The following SMOX variants were observed in gnomAD, a reference collection of about 807,000 sequenced individuals.
SMOX encodes the protein spermine oxidase, also known as flavin containing amine oxidase.
In SMOX, 22 loss-of-function variants were observed where a neutral mutation model predicts 51.0. That is an observed-to-expected ratio of 0.43 (90% CI 0.31 to 0.62). The LOEUF (loss-of-function observed/expected upper bound fraction) is 0.62. Ranked by LOEUF, SMOX falls within the 20% of genes least tolerant of loss-of-function variation. The pLI is 0.10. For missense variants in SMOX, 566 were observed against 777.7 expected (o/e 0.73, Z 3.24); for synonymous variants, 282 against 307.8 (o/e 0.92, Z 0.88).
chr20:4,185,945 CAAAT>C (rs893196853), intron 6 of SMOX, among the ~76,000 whole-genome samples: 4 of 151,248 alleles, frequency 2.6e-5, no homozygotes, highest in Admixed American at 6.6e-5. Flanking sequence ...CACACACACA[CAAAT>C]AAATAAATAA....
intron 1 of SMOX, among the ~76,000 whole-genome samples, chr20:4,160,658 C>T (rs952217876): frequency 6.6e-6 from 1 of 152,200 alleles, no homozygotes; most frequent in African/African-American, 2.4e-5. Flanking sequence ...TGGATATTTT[C>T]CTTTTTTCGT....
In SMOX at chr20:4,175,191, C is replaced by CTT; in HGVS notation, c.136_137insTT (p.Gln46LeufsTer23). ...GGCTGCAGCCAAAGCACTTCTTGAGCAGGGTTTCACGGATGTCACTGTGCT... is the reference window on the plus strand; with the variant it reads ...GGCTGCAGCCAAAGCACTTCTTGAGCTTAGGGTTTCACGGATGTCACTGTGCT... On this transcript the variant is annotated frameshift_variant, in exon 2 of 7. Coordinates refer to ENST00000305958, the MANE Select transcript of SMOX (RefSeq NM_175839.3). LOFTEE classifies it high-confidence loss of function. 6.2e-7 allele frequency: 1 copy of CTT among 1,614,230 alleles called. No homozygotes were observed. Among genetic ancestry groups the CTT allele is most frequent in the Non-Finnish European group, 8.5e-7 (1 of 1,180,038 alleles).
rs763783279 is a variant in SMOX, at chr20:4,182,852, C to T, written c.1369+4C>T. 2.5e-5 allele frequency: 40 copies of T among 1,598,140 alleles called. No homozygotes were observed. The highest frequency in any genetic ancestry group is 8.8e-5 in the South Asian group (8 of 90,804). ...GAGATGCTGCGTCAGTTCACAGGTG[C>T]GCCACGTGCCCCACGACCCGCTTCC... is the stretch of plus-strand genomic sequence containing the variant. On this transcript the variant is annotated splice_donor_region_variant and intron_variant, in intron 5 of 6. Coordinates refer to ENST00000305958, the MANE Select transcript of SMOX (RefSeq NM_175839.3). The surrounding 1 kb of genome is among the most constrained non-coding windows in gnomAD (Gnocchi z 8.4).
Position 4,166,215 on chromosome 20 carries a change from G to C in SMOX, c.-26-8815G>C, listed in dbSNP as rs1986563580. Reference sequence around the variant, plus strand: ...GTGGGACCTATAGGGTGAGGCTTGGGATGAAGCTGCAGGGGTGTGGCCTGG... The same window carrying C: ...GTGGGACCTATAGGGTGAGGCTTGGCATGAAGCTGCAGGGGTGTGGCCTGG... On this transcript the variant is annotated intron_variant, in intron 1 of 6. Transcript: ENST00000305958. The surrounding 1 kb of genome is among the most constrained non-coding windows in gnomAD (Gnocchi z 4.2). 6.6e-6 allele frequency among the ~76,000 whole-genome samples: 1 copy of C among 152,184 alleles called. No homozygotes were observed. Among genetic ancestry groups the C allele is most frequent in the Non-Finnish European group, 1.5e-5 (1 of 68,032 alleles).
chr20:4,177,296 G>A lies in SMOX; in HGVS notation c.209-55G>A, dbSNP rs903502026. The A allele has an allele frequency of 7.6e-6, 11 of 1,454,326 alleles. No individual in the cohort carries two copies. Among genetic ancestry groups the A allele is most frequent in the Non-Finnish European group, 1.0e-5 (11 of 1,060,916 alleles). 90.1% of individuals were successfully genotyped at this position (1,454,326 alleles called of 1,614,324 possible). ...GGAGGAAGGAGGGGGAAGCAGTGCT[G>A]GCCCTCTCTGGAGAAGTCCCTAAGC... is the stretch of plus-strand genomic sequence containing the variant. On this transcript the variant is annotated intron_variant, in intron 2 of 6. Transcript: ENST00000305958. The surrounding 1 kb of genome is among the most constrained non-coding windows in gnomAD (Gnocchi z 4.3).
At chr20:4,161,029 G>A (rs945837422) in intron 1 of SMOX, among the ~76,000 whole-genome samples, 2 of 152,196 alleles carry the variant, frequency 1.3e-5, no homozygotes, top group African/African-American at 4.8e-5. Context: ...GAGCTCACAG[G>A]CCTCAGTTCT....
At chr20:4,176,649 C>T (rs1056638016) in intron 2 of SMOX, among the ~76,000 whole-genome samples, 3 of 152,096 alleles carry the variant, frequency 2.0e-5, no homozygotes, top group Non-Finnish European at 4.4e-5. Flanking sequence ...AAACTGAGGC[C>T]CAGGCACAGA....
intron 1 of SMOX, among the ~76,000 whole-genome samples, chr20:4,162,440 C>T (rs866838215): frequency 3.9e-5 from 6 of 152,260 alleles, no homozygotes; most frequent in South Asian, 2.1e-4. Context: ...AGCCTCTGCA[C>T]GTGCAGTTTC....
Position 4,177,420 on chromosome 20 carries a change from C to T in SMOX, c.278C>T (p.Ala93Val). 6.4e-7 allele frequency: 1 copy of T among 1,560,110 alleles called. No homozygotes were observed. The highest frequency in any genetic ancestry group is 2.4e-5 in the East Asian group (1 of 41,972). Residue 93 changes from alanine to valine, a missense_variant, in exon 3 of 7, where the codon GCA becomes GTA. Transcript: ENST00000305958. The surrounding 1 kb of genome is among the most constrained non-coding windows in gnomAD (Gnocchi z 4.3). ...GSHGNPIYHLAEANGLLEETT... is the reference protein window; with the variant it reads ...GSHGNPIYHLVEANGLLEETT... ...CATGGGAACCCTATCTATCATCTAGCAGAAGCCAACGGCCTCCTGGAAGAG... is the reference window on the plus strand; with the variant it reads ...CATGGGAACCCTATCTATCATCTAGTAGAAGCCAACGGCCTCCTGGAAGAG...
chr20:4,182,337 C>T lies in SMOX; in HGVS notation c.858C>T (p.His286=). 2 of 1,593,678 alleles carry T rather than the reference C, an allele frequency of 1.3e-6. No homozygotes were observed. The highest frequency in any genetic ancestry group is 1.3e-5 in the African/African-American group (1 of 74,680). The change falls in exon 5 of 7, where the codon CAC becomes CAT. Residue 286 remains histidine (H), a synonymous_variant. Transcript: ENST00000305958. The surrounding 1 kb of genome is among the most constrained non-coding windows in gnomAD (Gnocchi z 8.4). ...PEIEPRGEGD[H]NHDTGEGGQG... The stretch of plus-strand genomic sequence containing the variant: ...TTGAGCCCCGGGGTGAGGGCGACCA[C>T]AATCACGACACTGGGGAGGGTGGCC...
chr20:4,161,866 C>A (rs1986340949), intron 1 of SMOX, among the ~76,000 whole-genome samples: 1 of 152,268 alleles, frequency 6.6e-6, no homozygotes, highest in East Asian at 1.9e-4. Flanking sequence ...CCGTCCCTGC[C>A]TTAGGGCTCA....
intron 1 of SMOX, among the ~76,000 whole-genome samples, chr20:4,160,282 C>G (rs952184087): frequency 6.6e-6 from 1 of 152,204 alleles, no homozygotes; most frequent in Non-Finnish European, 1.5e-5. Flanking sequence ...TGAGATGACT[C>G]CTGCCAGCCC....
chr20:4,185,918 C>A (rs912783096), intron 6 of SMOX, among the ~76,000 whole-genome samples: 1 of 147,248 alleles, frequency 6.8e-6, no homozygotes, highest in African/African-American at 2.6e-5. Flanking sequence ...AAACAACAAC[C>A]CCTGGCGCCC....
intron 3 of SMOX, among the ~76,000 whole-genome samples, chr20:4,178,685 TTTC>T (rs1205018440): frequency 6.1e-4 from 44 of 72,314 alleles, no homozygotes; most frequent in African/African-American, 2.6e-3. Context: ...TCTTTCTTTC[TTTC>T]TTTTTTTTTT....
Position 4,187,379 on chromosome 20 carries a change from A to C in SMOX, c.1640A>C (p.Tyr547Ser). 6.2e-7 allele frequency: 1 copy of C among 1,614,140 alleles called. No individual in the cohort carries two copies. The highest frequency in any genetic ancestry group is 8.5e-7 in the Non-Finnish European group (1 of 1,180,006). Reference protein sequence around the residue: ...QREAARLIEMYRDLFQQGT With the variant: ...QREAARLIEMSRDLFQQGT ...GAGGCTGCCCGCCTCATTGAGATGTACCGAGACCTCTTCCAGCAGGGGACC... is the reference window on the plus strand; with the variant it reads ...GAGGCTGCCCGCCTCATTGAGATGTCCCGAGACCTCTTCCAGCAGGGGACC... Residue 547 changes from tyrosine (Y) to serine (S), a missense_variant, in exon 7 of 7, where the codon TAC becomes TCC. By Grantham distance (144) the Tyr-to-Ser change is moderately radical. Coordinates refer to ENST00000305958, the MANE Select transcript of SMOX (RefSeq NM_175839.3). The surrounding 1 kb of genome is among the most constrained non-coding windows in gnomAD (Gnocchi z 4.8).
In SMOX at chr20:4,172,509, C is replaced by CGGGAGT. The variant is rs1978478370; in HGVS notation, c.-26-2521_-26-2520insGGGAGT. Among the ~76,000 whole-genome samples, 3 of 152,118 alleles carry CGGGAGT rather than the reference C, an allele frequency of 2.0e-5. No individual in the cohort carries two copies. In the South Asian group the frequency reaches 6.2e-4, roughly 32 times the overall value. ...GTGTCCTCTCGGGAGGGAGGCAGGA[C>CGGGAGT]CTAGCATCTCTGGGGCGAGGGAGGA... On this transcript the variant is annotated intron_variant, in intron 1 of 6. Transcript: ENST00000305958. This position sits in a 1 kb window ranked among gnomAD's most constrained non-coding sequence, Gnocchi z 7.7.
At chr20:4,158,198 C>T (rs547676005) in intron 1 of SMOX, among the ~76,000 whole-genome samples, 9 of 152,284 alleles carry the variant, frequency 5.9e-5, no homozygotes, top group African/African-American at 9.6e-5. Flanking sequence ...CAGCGCCGGT[C>T]GGGGTGTGGT....
chr20:4,181,754 G>C lies in SMOX; in HGVS notation c.436-49G>C. ...TTTGGGTTGGGGGCCTTCTGTTTGA[G>C]ATGGAGGTGTGATGAGGTGTTTTCA... is the stretch of plus-strand genomic sequence containing the variant. On this transcript the variant is annotated intron_variant, in intron 3 of 6. Transcript: ENST00000305958. The surrounding 1 kb of genome is among the most constrained non-coding windows in gnomAD (Gnocchi z 5.6). 1 of 1,588,558 alleles carries C rather than the reference G, an allele frequency of 6.3e-7. No homozygotes were observed. The highest frequency in any genetic ancestry group is 8.6e-7 in the Non-Finnish European group (1 of 1,166,102).
chr20:4,168,559 T>C (rs972398652), intron 1 of SMOX, among the ~76,000 whole-genome samples: 1 of 148,510 alleles, frequency 6.7e-6, no homozygotes, highest in Non-Finnish European at 1.5e-5. Context: ...TCTCTCTCTC[T>C]CTTTTTTTTT....
Sources: gnomAD v4.1 joint callset for allele counts (sites outside exome capture counted in the v4.1 genomes callset) on GRCh38, gnomAD v4.1.1 for gene constraint, Gnocchi (gnomAD v3.1) non-coding constraint, MANE v1.5 for transcripts, NCBI Gene and HGNC (gene_info 2026-07-23, HGNC 2026-07-21) for gene names.